Variants in ZMYM6 observed in about 807,000 individuals in gnomAD.
ZMYM6 encodes zinc finger MYM-type protein 6.
A neutral mutation model predicts 134.0 loss-of-function variants in ZMYM6; 90 were observed. The observed-to-expected ratio is 0.67, with a 90% CI of 0.57 to 0.80. ZMYM6 has a LOEUF of 0.80. Among genes scored for constraint, ZMYM6 ranks in the 30% least tolerant of loss-of-function variants. The pLI is 0.00. For missense variants in ZMYM6, 1,362 were observed against 1,533.9 expected, an observed-to-expected ratio of 0.89 and a Z score of 1.87; for synonymous variants, 481 against 524.1, an observed-to-expected ratio of 0.92 and a Z score of 1.12.
intron 7 of ZMYM6, 113 bp downstream of exon 7, chr1:35,012,318 G>T (rs1437421423): frequency 1.9e-6 from 2 of 1,031,668 alleles, no homozygotes; most frequent in African/African-American, 1.7e-5. Flanking sequence ...GTCAGTCTTG[G>T]GTTTTTATTT....
At chr1:34,993,086 A>G (rs1640713806) in intron 14 of ZMYM6, among the ~76,000 whole-genome samples, 1 of 149,648 alleles carries the variant, frequency 6.7e-6, no homozygotes, top group African/African-American at 2.5e-5. Flanking sequence ...TTTCAAATAA[A>G]CAGATCACAA....
chr1:35,015,120 C>T lies in ZMYM6; in HGVS notation c.471G>A (p.Glu157=). ...AGAAATCTTTGCTAGGATAGGAATT[C>T]TCAAAGCGAGTTGTGATCACATCCT... ...NPKDVITTRF[E]NSYPSKDFCS... The change falls in exon 5 of 16, where the codon GAG becomes GAA. Residue 157 remains glutamate, a synonymous_variant. Coordinates refer to ENST00000357182, the MANE Select transcript of ZMYM6 (RefSeq NM_007167.4). The T allele has an allele frequency of 6.2e-7, 1 of 1,612,382 alleles. No homozygotes were observed. The highest frequency in any genetic ancestry group is 8.5e-7 in the Non-Finnish European group (1 of 1,179,596).
At chr1:35,000,577 A>AT (rs1640863345) in intron 14 of ZMYM6, among the ~76,000 whole-genome samples, 1 of 152,138 alleles carries the variant, frequency 6.6e-6, no homozygotes, top group Non-Finnish European at 1.5e-5. Flanking sequence ...AAACGATCTA[A>AT]TGTTCATCAA....
intron 12 of ZMYM6, among the ~76,000 whole-genome samples, chr1:35,006,168 T>C (rs1640962706): frequency 6.6e-6 from 1 of 152,120 alleles, no homozygotes; most frequent in Non-Finnish European, 1.5e-5. Flanking sequence ...CCACCACACT[T>C]GGCTAATTTT....
chr1:34,996,578 A>ATGTG (rs140823886), intron 14 of ZMYM6, among the ~76,000 whole-genome samples: 1 of 151,392 alleles, frequency 6.6e-6, no homozygotes, highest in African/African-American at 2.4e-5. Flanking sequence ...GTGTGTGTGT[A>ATGTG]TGTGTGTGTG....
chr1:35,004,515 A>G (rs1640931259), intron 13 of ZMYM6, among the ~76,000 whole-genome samples: 2 of 152,288 alleles, frequency 1.3e-5, no homozygotes, highest in African/African-American at 4.8e-5. Context: ...AGGCTGAGAC[A>G]GAAGAATCGC....
intron 14 of ZMYM6, among the ~76,000 whole-genome samples, chr1:34,999,087 A>G (rs953119168): frequency 3.3e-5 from 5 of 152,338 alleles, no homozygotes; most frequent in Admixed American, 6.5e-5. Context: ...ATGCCACTGC[A>G]CTCAAGACCC....
intron 7 of ZMYM6, 99 bp downstream of exon 7, chr1:35,012,332 T>G: frequency 8.9e-7 from 1 of 1,123,696 alleles, no homozygotes; most frequent in African/African-American, 1.6e-5. Context: ...TTTATTTAAC[T>G]AAATAGATAA....
At chr1:35,011,082 A>C (rs775169986) in intron 8 of ZMYM6, 46 bp from the exon 9 acceptor site, 1 of 1,564,322 alleles carries the variant, frequency 6.4e-7, no homozygotes, top group South Asian at 1.2e-5. Flanking sequence ...CTGAGAAATA[A>C]GATAACTTTG....
chr1:35,013,616 G>C (rs1332369439), intron 6 of ZMYM6: 10 of 985,212 alleles, frequency 1.0e-5, no homozygotes, highest in Non-Finnish European at 1.2e-5. Context: ...ACTGCTCAAA[G>C]GAAGCAACAA....
chr1:35,009,949 A>C (rs1200861123), intron 10 of ZMYM6, among the ~76,000 whole-genome samples: 2 of 152,148 alleles, frequency 1.3e-5, no homozygotes, highest in African/African-American at 2.4e-5. Flanking sequence ...AAAATAAACA[A>C]ACAAAAATAA....
At chr1:34,992,189 G>A (rs774103806) in intron 15 of ZMYM6, 45 bp downstream of exon 15, 32 of 1,611,348 alleles carry the variant, frequency 2.0e-5, no homozygotes, top group Non-Finnish European at 2.6e-5. Flanking sequence ...AAACAAACAA[G>A]CCAGAAAACA....
chr1:35,021,064 ACTAC>A (rs1391110414), intron 2 of ZMYM6, among the ~76,000 whole-genome samples: 1 of 151,904 alleles, frequency 6.6e-6, no homozygotes. Flanking sequence ...AATGCTGAGC[ACTAC>A]CTATTTTTTA....
At chr1:35,008,555 A>G (rs1233436038) in intron 11 of ZMYM6, among the ~76,000 whole-genome samples, 197 bp downstream of exon 11, 3 of 152,182 alleles carry the variant, frequency 2.0e-5, no homozygotes, top group Admixed American at 6.5e-5. Flanking sequence ...AACCAACAAC[A>G]AAGTCTGCAG....
At chr1:34,992,749 TA>T (rs1254113236) in intron 14 of ZMYM6, among the ~76,000 whole-genome samples, 1 of 141,892 alleles carries the variant, frequency 7.0e-6, no homozygotes, top group Non-Finnish European at 1.5e-5. Flanking sequence ...ACTATAAATA[TA>T]AAAATATACT....
In ZMYM6 at chr1:34,987,216, GA is replaced by G; in HGVS notation, c.3865del (p.Ser1289GlnfsTer3). 6.2e-7 allele frequency: 1 copy of G among 1,613,808 alleles called. No homozygotes were observed. Among genetic ancestry groups the G allele is most frequent in the Non-Finnish European group, 8.5e-7 (1 of 1,179,912 alleles). ...TTTTTGTTTTGACTCAGTCAAAGCT[GA>G]AAAGGCAGCATCACATAAATAAACA... Reference protein sequence around the residue: ...STVYLCDAAFSALTESKQKNL... With the variant: ...STVYLCDAAFXALTESKQKNL... On this transcript the variant is annotated frameshift_variant, in exon 16 of 16. Coordinates refer to ENST00000357182, the MANE Select transcript of ZMYM6 (RefSeq NM_007167.4). LOFTEE classifies it high-confidence loss of function.
At position 35,015,050 on chromosome 1, in the gene ZMYM6, C is replaced by T. The variant is rs985984017; in HGVS notation, c.541G>A (p.Val181Ile). 2.5e-6 allele frequency: 4 copies of T among 1,613,738 alleles called. No homozygotes were observed. Among genetic ancestry groups the T allele is most frequent in the Non-Finnish European group, 3.4e-6 (4 of 1,179,944 alleles). Residue 181 changes from valine to isoleucine, a missense_variant, in exon 5 of 16, where the codon GTT becomes ATT. By Grantham distance (29) the Val-to-Ile change is conservative. This residue lies in a region of ZMYM6 where 503 missense variants were observed against 520.8 expected (regional missense o/e 0.97). Transcript: ENST00000357182. ...ATGCTTTTGGTATATATGGTAACAA[C>T]AGGTTTTTTCTTTAGCTCATAAGAT... ...LSSYELKKKP[V>I]VTIYTKSIST...
rs773024960 is a variant in ZMYM6 at position 35,012,005 on chromosome 1, C to G, written c.947G>C (p.Gly316Ala). 146 of 1,578,120 alleles carry G rather than the reference C, an allele frequency of 9.3e-5. 1 individual carries two copies. In the South Asian group the frequency reaches 1.6e-3, roughly 18 times the overall value. The change falls in exon 8 of 16, where the codon GGT becomes GCT. Residue 316 changes from glycine (G) to alanine (A), a missense_variant and splice_region_variant. Around this residue, in one of 3 missense-constraint regions of ZMYM6, gnomAD observed 503 missense variants for 520.8 expected, o/e 0.97. Coordinates refer to ENST00000357182, the MANE Select transcript of ZMYM6 (RefSeq NM_007167.4). ...AYRVKTVTSS[G>A]VQVSCHSCKT... Reference sequence around the variant, plus strand: ...ACAACTATGACATGAAACCTGGACACCTTGGTGACAAAAAATTAAAAACAA... The same window carrying G: ...ACAACTATGACATGAAACCTGGACAGCTTGGTGACAAAAAATTAAAAACAA...
chr1:35,017,390 TAAAG>T (rs1213859956), intron 4 of ZMYM6: 1 of 152,208 alleles, frequency 6.6e-6, no homozygotes, highest in African/African-American at 2.4e-5. Context: ...AACAGAGCAA[TAAAG>T]AGTTTCACTT....
Sources: allele counts gnomAD v4.1 joint callset (sites outside exome capture counted in the v4.1 genomes callset), GRCh38; gene constraint gnomAD v4.1.1; regional missense constraint gnomAD v4.1.1; transcripts MANE v1.5; gene names NCBI Gene and HGNC (gene_info 2026-07-23, HGNC 2026-07-21).